SPEG: variants seen among roughly 807,000 people sequenced by gnomAD.
SPEG encodes striated muscle enriched protein kinase, also known as striated muscle preferentially expressed protein kinase.
SPEG carries 114 observed loss-of-function variants against 300.4 expected under a neutral mutation model. The observed-to-expected ratio is 0.38, with a 90% CI of 0.33 to 0.44. The LOEUF (loss-of-function observed/expected upper bound fraction) is 0.44. Ranked by LOEUF, SPEG falls within the 20% of genes least tolerant of loss-of-function variation. The pLI is 1.00. For missense variants in SPEG, 4,201 were observed against 4,586.2 expected (o/e 0.92, Z 2.43); for synonymous variants, 1,964 against 2,018.9 (o/e 0.97, Z 0.73).
Position 219,484,839 on chromosome 2 carries a change from T to G in SPEG, c.7376T>G (p.Phe2459Cys). The part of the protein sequence containing the change: ...PVLAMRRRLS[F>C]TLERLSSRLQ... ...CTGGCGATGCGCAGGCGGCTGAGCTTCACCCTGGAGCGGCTGTCCAGCCGA... is the reference window on the plus strand; with the variant it reads ...CTGGCGATGCGCAGGCGGCTGAGCTGCACCCTGGAGCGGCTGTCCAGCCGA... Residue 2459 changes from phenylalanine to cysteine, a missense_variant, in exon 30 of 41, where the codon TTC (phenylalanine) becomes TGC (cysteine). Transcript: ENST00000312358. The G allele has an allele frequency of 6.6e-7, 1 of 1,514,834 alleles. No homozygotes were observed. The highest frequency in any genetic ancestry group is 8.8e-7 in the Non-Finnish European group (1 of 1,139,526). The allele number at this position is 1,514,834 out of a possible 1,614,324, so 93.8% of individuals were successfully genotyped here. A position where few individuals can be genotyped will look rare whatever the true frequency, so the allele number is the denominator to read the frequency against.
chr2:219,448,976 G>A lies in SPEG; in HGVS notation c.1818G>A (p.Glu606=). Residue 606 remains glutamate, a synonymous_variant, in exon 4 of 41, where the codon GAG becomes GAA. Coordinates refer to ENST00000312358, the MANE Select transcript of SPEG (RefSeq NM_005876.5). The stretch of plus-strand genomic sequence containing the variant: ...TGACCCGGAGCAGAGCCATCCAGGA[G>A]TGCAGGAGCCCTGTGCCGCCCCCCG... ...FPLTRSRAIQ[E]CRSPVPPPAA... The A allele has an allele frequency of 6.6e-7, 1 of 1,510,616 alleles. No homozygotes were observed. 93.6% of individuals were successfully genotyped at this position (1,510,616 alleles called of 1,614,324 possible).
At position 219,472,946 on chromosome 2, in the gene SPEG, A is replaced by G; in HGVS notation, c.3997A>G (p.Thr1333Ala). 3 of 1,613,662 alleles carry G rather than the reference A, an allele frequency of 1.9e-6. No homozygotes were observed. Among genetic ancestry groups the G allele is most frequent in the Non-Finnish European group, 2.5e-6 (3 of 1,179,914 alleles). ...CCAGGTGCTGGGCTCGGACCAGTGG[A>G]CGGCACTGGTCACAGGCCTGCGGGA... ...QHQVLGSDQWTALVTGLREPG... is the reference protein window; with the variant it reads ...QHQVLGSDQWAALVTGLREPG... Residue 1333 changes from threonine (T) to alanine (A), a missense_variant, in exon 16 of 41, where the codon ACG becomes GCG. Physicochemically the swap from Thr to Ala is moderately conservative, Grantham distance 58. Coordinates refer to ENST00000312358, the MANE Select transcript of SPEG (RefSeq NM_005876.5).
Position 219,490,898 on chromosome 2 carries a change from C to T in SPEG, c.9327C>T (p.Pro3109=). 5.6e-6 allele frequency: 9 copies of T among 1,613,858 alleles called. No homozygotes were observed. The highest frequency in any genetic ancestry group is 1.3e-5 in the African/African-American group (1 of 75,062). ...LKIVDFGSAQ[P]YNPQALRPLG... is the part of the protein sequence containing the mutation. ...TTGTGGACTTTGGCAGTGCCCAGCC[C>T]TACAACCCCCAGGCCCTTAGGCCCC... Residue 3109 remains proline, a synonymous_variant, in exon 38 of 41, where the codon CCC becomes CCT. Transcript: ENST00000312358.
rs1369199579 is a variant in SPEG, at chr2:219,443,893, C to T, written c.389-760C>T. On this transcript the variant is annotated intron_variant, in intron 1 of 40. Coordinates refer to ENST00000312358, the MANE Select transcript of SPEG (RefSeq NM_005876.5). This position sits in a 1 kb window ranked among gnomAD's most constrained non-coding sequence, Gnocchi z 4.6. ...CACATCCCAGGTATCTCCCTCCCCACCCATTGCCACAGGACACCTCTGGGG... is the reference window on the plus strand; with the variant it reads ...CACATCCCAGGTATCTCCCTCCCCATCCATTGCCACAGGACACCTCTGGGG... 8.2e-6 allele frequency: 5 copies of T among 612,452 alleles called. No individual in the cohort carries two copies. The highest frequency in any genetic ancestry group is 1.9e-5 in the African/African-American group (1 of 52,924). The allele number at this position is 612,452 out of a possible 1,614,324, so 37.9% of individuals were successfully genotyped here.
At chr2:219,460,659 G>T (rs773529950) in intron 6 of SPEG, 2 of 983,156 alleles carry the variant, frequency 2.0e-6, no homozygotes, top group Non-Finnish European at 2.4e-6. Flanking sequence ...GCCGCGCTCC[G>T]CCCTCCCTCC....
Position 219,490,655 on chromosome 2 carries a change from G to A in SPEG, c.9161+7G>A. 6.2e-7 allele frequency: 1 copy of A among 1,608,718 alleles called. No homozygotes were observed. Among genetic ancestry groups the A allele is most frequent in the Non-Finnish European group, 8.5e-7 (1 of 1,175,376 alleles). ...TCTGTGGGCTCAGTGACAGGTAGCT[G>A]GGAATTCTAGGGGAGTAGGGAGGAA... On this transcript the variant is annotated splice_region_variant and intron_variant, in intron 37 of 40. Transcript: ENST00000312358.
Position 219,448,547 on chromosome 2 carries a change from G to T in SPEG, c.1389G>T (p.Val463=), listed in dbSNP as rs1689494100. ...SQEELRAPGS[V]AERRRLFQQK... ...AAGAACTGCGGGCGCCAGGCAGCGT[G>T]GCCGAGCGGCGCCGCCTGTTCCAGC... Residue 463 remains valine (V), a synonymous_variant, in exon 4 of 41, where the codon GTG becomes GTT. Transcript: ENST00000312358. 3.5e-6 allele frequency: 5 copies of T among 1,444,754 alleles called. No homozygotes were observed. The highest frequency in any genetic ancestry group is 1.5e-5 in the African/African-American group (1 of 67,020). The allele number at this position is 1,444,754 out of a possible 1,614,324, so 89.5% of individuals were successfully genotyped here. A position where few individuals can be genotyped will look rare whatever the true frequency, so the allele number is the denominator to read the frequency against.
At position 219,480,704 on chromosome 2, in the gene SPEG, ACC is replaced by A. The variant is rs760335031; in HGVS notation, c.5369+10_5369+11del. 1 of 1,613,058 alleles carries A rather than the reference ACC, an allele frequency of 6.2e-7. No homozygotes were observed. The highest frequency in any genetic ancestry group is 1.3e-5 in the African/African-American group (1 of 74,724). On this transcript the variant is annotated splice_region_variant and intron_variant, in intron 26 of 40. Transcript: ENST00000312358. The surrounding 1 kb of genome is among the most constrained non-coding windows in gnomAD (Gnocchi z 5.3). Reference sequence around the variant, plus strand: ...GTGTTGTTGCCTTCCTCTGGTAAGGACCCCTCTGCAATGTCCCAGCAGTCTCC... The same window carrying A: ...GTGTTGTTGCCTTCCTCTGGTAAGGACCTCTGCAATGTCCCAGCAGTCTCC...
chr2:219,469,767 G>A (rs1469448997), intron 13 of SPEG, among the ~76,000 whole-genome samples: 4 of 152,220 alleles, frequency 2.6e-5, no homozygotes, highest in Non-Finnish European at 4.4e-5. Flanking sequence ...CAAGCAGCTG[G>A]GAGGTGTGAA....
Position 219,464,385 on chromosome 2 carries a change from C to T in SPEG, c.2706-48C>T, listed in dbSNP as rs1473529414. The T allele has an allele frequency of 6.4e-7, 1 of 1,562,334 alleles. No homozygotes were observed. Among genetic ancestry groups the T allele is most frequent in the Admixed American group, 1.7e-5 (1 of 57,616 alleles). On this transcript the variant is annotated intron_variant, in intron 8 of 40. Transcript: ENST00000312358. The surrounding 1 kb of genome is among the most constrained non-coding windows in gnomAD (Gnocchi z 4.5). The stretch of plus-strand genomic sequence containing the variant: ...GCTGCAGCCCCAGTTCCTGTGCACG[C>T]ACATCAGGCCCCTGGGCCCTGGGAC...
In SPEG at chr2:219,484,076, C is replaced by G. The variant is rs779224857; in HGVS notation, c.6613C>G (p.Pro2205Ala). 8.1e-6 allele frequency: 13 copies of G among 1,613,514 alleles called. No homozygotes were observed. The highest frequency in any genetic ancestry group is 1.1e-5 in the Non-Finnish European group (13 of 1,179,940). Residue 2205 changes from proline (P) to alanine (A), a missense_variant, in exon 30 of 41, where the codon CCC (proline) becomes GCC (alanine). Coordinates refer to ENST00000312358, the MANE Select transcript of SPEG (RefSeq NM_005876.5). ...CACCACACCTAGTGATGCTCCGCAG[C>G]CCCCCGCACCCCAGCCTGCCCAAGA... is the stretch of plus-strand genomic sequence containing the variant. ...SATTPSDAPQ[P>A]PAPQPAQDKA...
At chr2:219,478,957 C>T (rs754560071) in intron 22 of SPEG, among the ~76,000 whole-genome samples, 187 bp from the exon 23 acceptor site, 1 of 152,194 alleles carries the variant, frequency 6.6e-6, no homozygotes, top group Non-Finnish European at 1.5e-5. Flanking sequence ...GGATGACCCA[C>T]CTGTGCCCTC....
intron 15 of SPEG, 126 bp downstream of exon 15, chr2:219,472,457 TG>T: frequency 1.2e-6 from 1 of 809,800 alleles, no homozygotes; most frequent in Non-Finnish European, 2.0e-6. Flanking sequence ...GGAATGCTGG[TG>T]GGACCAGCTT....
chr2:219,461,832 A>C, intron 6 of SPEG, 50 bp from the exon 7 acceptor site: 1 of 1,574,080 alleles, frequency 6.4e-7, no homozygotes, highest in African/African-American at 1.4e-5. Context: ...CAGCTCTCCC[A>C]GGCTCTCTGC....
In SPEG at chr2:219,448,733, A is replaced by G; in HGVS notation, c.1575A>G (p.Pro525=). ...TGCGCGCCACGCTGCAGCGTGCCCCATCCCCTCGAGAGCCCGGCGAGCCCC... is the reference window on the plus strand; with the variant it reads ...TGCGCGCCACGCTGCAGCGTGCCCCGTCCCCTCGAGAGCCCGGCGAGCCCC... ...ESLRATLQRA[P]SPREPGEPPL... Residue 525 remains proline, a synonymous_variant, in exon 4 of 41, where the codon CCA becomes CCG. Coordinates refer to ENST00000312358, the MANE Select transcript of SPEG (RefSeq NM_005876.5). 1 of 1,487,592 alleles carries G rather than the reference A, an allele frequency of 6.7e-7. No individual in the cohort carries two copies. Among genetic ancestry groups the G allele is most frequent in the South Asian group, 1.3e-5 (1 of 79,420 alleles). The allele number at this position is 1,487,592 out of a possible 1,614,324, so 92.1% of individuals were successfully genotyped here.
chr2:219,483,759 C>G lies in SPEG; in HGVS notation c.6296C>G (p.Ala2099Gly). The G allele has an allele frequency of 6.5e-7, 1 of 1,545,944 alleles. No individual in the cohort carries two copies. Among genetic ancestry groups the G allele is most frequent in the South Asian group, 1.2e-5 (1 of 85,192 alleles). ...GPLLESLGGR[A>G]RDPRMARAAS... is the part of the protein sequence containing the mutation. ...CTGCTGGAGAGCCTGGGGGGCCGTGCTCGGGACCCCCGGATGGCACGAGCT... is the reference window on the plus strand; with the variant it reads ...CTGCTGGAGAGCCTGGGGGGCCGTGGTCGGGACCCCCGGATGGCACGAGCT... Residue 2099 changes from alanine to glycine, a missense_variant, in exon 30 of 41, where the codon GCT (alanine) becomes GGT (glycine). This residue lies in a region of SPEG where 1,578 missense variants were observed against 1,506.0 expected (regional missense o/e 1.05). Transcript: ENST00000312358.
chr2:219,484,616 G>C lies in SPEG; in HGVS notation c.7153G>C (p.Val2385Leu), dbSNP rs776127460. 3.9e-6 allele frequency: 6 copies of C among 1,552,710 alleles called. No individual in the cohort carries two copies. The highest frequency in any genetic ancestry group is 5.2e-6 in the Non-Finnish European group (6 of 1,153,524). Residue 2385 changes from valine to leucine, a missense_variant, in exon 30 of 41, where the codon GTG becomes CTG. By Grantham distance (32) the Val-to-Leu change is conservative (BLOSUM62 1). Around this residue, in one of 4 missense-constraint regions of SPEG, gnomAD observed 1,578 missense variants for 1,506.0 expected, o/e 1.05. Coordinates refer to ENST00000312358, the MANE Select transcript of SPEG (RefSeq NM_005876.5). ...PSPAGTPLEL[V>L]RRPERSRSVQ... ...CCCGGCGGGGACCCCGCTGGAGCTG[G>C]TGCGACGGCCTGAGCGCTCACGCTC...
intron 28 of SPEG, chr2:219,482,494 C>T (rs1017043240): frequency 2.6e-5 from 10 of 390,804 alleles, no homozygotes; most frequent in African/African-American, 2.0e-4. Context: ...GCTGGTTTAC[C>T]AGGACAGGGC....
intron 1 of SPEG, among the ~76,000 whole-genome samples, chr2:219,442,653 C>T (rs937655183): frequency 2.8e-5 from 4 of 140,792 alleles, no homozygotes; most frequent in Admixed American, 2.1e-4. Context: ...TCTGTCCTCC[C>T]CCCAGCAGGA....
Sources: allele counts gnomAD v4.1 joint callset (sites outside exome capture counted in the v4.1 genomes callset), GRCh38; gene constraint gnomAD v4.1.1; regional missense constraint gnomAD v4.1.1; non-coding constraint Gnocchi (gnomAD v3.1); transcripts MANE v1.5; gene names NCBI Gene and HGNC (gene_info 2026-07-23, HGNC 2026-07-21).